The following SFMBT2 variants were observed in gnomAD, a reference collection of about 807,000 sequenced individuals.
SFMBT2 encodes the protein Scm like with four mbt domains 2, also known as scm-like with four MBT domains protein 2.
A neutral mutation model predicts 110.1 loss-of-function variants in SFMBT2; 38 were observed. That is an observed-to-expected ratio of 0.35 (90% CI 0.27 to 0.45). The LOEUF is 0.45. SFMBT2 is among the 20% of genes least tolerant of loss of function. The pLI, the probability that SFMBT2 is intolerant of heterozygous loss-of-function variation, is 1.00. For missense variants in SFMBT2, 1,011 were observed against 1,094.9 expected (o/e 0.92, Z 1.08); for synonymous variants, 425 against 425.4 (o/e 1.00, Z 0.01).
intron 4 of SFMBT2, among the ~76,000 whole-genome samples, chr10:7,333,815 T>C (rs1188946761): frequency 6.6e-6 from 1 of 151,182 alleles, no homozygotes; most frequent in African/African-American, 2.4e-5. Context: ...TCCCGCTTTC[T>C]TTCCTTCCTC....
intron 10 of SFMBT2, among the ~76,000 whole-genome samples, chr10:7,221,070 C>A (rs545773858): frequency 6.6e-6 from 1 of 151,566 alleles, no homozygotes; most frequent in East Asian, 2.0e-4. Flanking sequence ...TTGTGATCCA[C>A]CTGCCTCAGC....
chr10:7,228,870 A>G (rs1840028196), intron 9 of SFMBT2, among the ~76,000 whole-genome samples: 1 of 151,274 alleles, frequency 6.6e-6, no homozygotes, highest in Non-Finnish European at 1.5e-5. Flanking sequence ...TGGCCATGGC[A>G]AGACAGGAGA....
intron 8 of SFMBT2, among the ~76,000 whole-genome samples, 158 bp from the exon 9 acceptor site, chr10:7,243,863 T>A (rs1840520095): frequency 6.6e-6 from 1 of 152,210 alleles, no homozygotes; most frequent in African/African-American, 2.4e-5. Context: ...CTAAATTAAT[T>A]CAGCTGATAA....
At chr10:7,405,827 C>T (rs1198646758) in intron 1 of SFMBT2, among the ~76,000 whole-genome samples, 1 of 122,560 alleles carries the variant, frequency 8.2e-6, no homozygotes, top group South Asian at 3.4e-4. Context: ...CCGATTCCCC[C>T]CCCGACCCCC....
At chr10:7,245,126 C>T (rs1840565159) in intron 8 of SFMBT2, among the ~76,000 whole-genome samples, 1 of 152,120 alleles carries the variant, frequency 6.6e-6, no homozygotes, top group Non-Finnish European at 1.5e-5. Context: ...CTCACTGCTA[C>T]CGGGGGGCAC....
chr10:7,351,453 G>A (rs1207423057), intron 4 of SFMBT2, among the ~76,000 whole-genome samples: 46 of 152,166 alleles, frequency 3.0e-4, no homozygotes, highest in Admixed American at 3.0e-3. Context: ...CTGTAAGGCA[G>A]GTCTCATTAT....
Position 7,367,816 on chromosome 10 carries a change from G to T in SFMBT2, c.269C>A (p.Thr90Lys). ...GGTAATGATCGTGGCCACCCAGTAC[G>T]TGTCCGGGTTGTTCTTATTAGCCAC... ...LEVANKNNPD[T>K]YWVATIITTC... Residue 90 changes from threonine to lysine, a missense_variant, in exon 4 of 21, where the codon ACG (threonine) becomes AAG (lysine). Coordinates refer to ENST00000397167, the MANE Select transcript of SFMBT2 (RefSeq NM_001387889.1). The surrounding 1 kb of genome is among the most constrained non-coding windows in gnomAD (Gnocchi z 6.2). 6.2e-7 allele frequency: 1 copy of T among 1,614,196 alleles called. No individual in the cohort carries two copies. Among genetic ancestry groups the T allele is most frequent in the Non-Finnish European group, 8.5e-7 (1 of 1,180,038 alleles).
intron 11 of SFMBT2, among the ~76,000 whole-genome samples, chr10:7,212,227 T>C (rs558098039): frequency 4.6e-5 from 7 of 152,352 alleles, no homozygotes; most frequent in Non-Finnish European, 1.5e-5. Context: ...TTCTGAATTT[T>C]AGCTTCCAGT....
chr10:7,314,961 A>G (rs948451141), intron 4 of SFMBT2, among the ~76,000 whole-genome samples: 1 of 145,338 alleles, frequency 6.9e-6, no homozygotes, highest in African/African-American at 2.7e-5. Context: ...GAGAAAGAAA[A>G]GAGAGAGAGA....
At chr10:7,401,601 C>T (rs1033131835) in intron 1 of SFMBT2, among the ~76,000 whole-genome samples, 1 of 152,170 alleles carries the variant, frequency 6.6e-6, no homozygotes, top group Non-Finnish European at 1.5e-5. Flanking sequence ...GATGTCCTCA[C>T]GCCTATTCAT....
chr10:7,406,867 A>G (rs1379918034), intron 1 of SFMBT2, among the ~76,000 whole-genome samples: 2 of 152,012 alleles, frequency 1.3e-5, no homozygotes, highest in African/African-American at 4.8e-5. Context: ...AGAGTGGATG[A>G]CCACTCTCTA....
intron 7 of SFMBT2, among the ~76,000 whole-genome samples, chr10:7,269,707 AGTGTGTGCGT>A (rs1340016623): frequency 3.2e-4 from 47 of 146,438 alleles, no homozygotes; most frequent in East Asian, 1.2e-3. Flanking sequence ...AAAGCAAGTA[AGTGTGTGCGT>A]GTGTGTGTGT....
At chr10:7,374,796 G>A (rs1413241226) in intron 2 of SFMBT2, among the ~76,000 whole-genome samples, 2 of 152,188 alleles carry the variant, frequency 1.3e-5, no homozygotes, top group Non-Finnish European at 2.9e-5. Context: ...TTATAACAAA[G>A]TCAAGCACAA....
chr10:7,200,395 C>G lies in SFMBT2; in HGVS notation c.1558+19G>C. Reference sequence around the variant, plus strand: ...GCACGGTGGGAAGGCACAGAGACCCCCTAAATGGGACTGATTACCTGTGGT... The same window carrying G: ...GCACGGTGGGAAGGCACAGAGACCCGCTAAATGGGACTGATTACCTGTGGT... On this transcript the variant is annotated intron_variant, in intron 14 of 20. Coordinates refer to ENST00000397167, the MANE Select transcript of SFMBT2 (RefSeq NM_001387889.1). 2 of 1,570,494 alleles carry G rather than the reference C, an allele frequency of 1.3e-6. No individual in the cohort carries two copies. The highest frequency in any genetic ancestry group is 2.4e-5 in the South Asian group (2 of 84,410).
At chr10:7,329,310 C>G (rs1480439297) in intron 4 of SFMBT2, among the ~76,000 whole-genome samples, 1 of 152,182 alleles carries the variant, frequency 6.6e-6, no homozygotes, top group Admixed American at 6.5e-5. Context: ...GAAGGAAGAG[C>G]CTCTGTTCTG....
intron 6 of SFMBT2, among the ~76,000 whole-genome samples, chr10:7,278,601 G>A (rs1441012103): frequency 1.3e-5 from 2 of 152,176 alleles, no homozygotes; most frequent in Non-Finnish European, 2.9e-5. Flanking sequence ...TTCAACCTGG[G>A]CATGGTAGGA....
Position 7,172,596 on chromosome 10 carries a change from C to T in SFMBT2, c.2050G>A (p.Gly684Arg), listed in dbSNP as rs367660345. Reference sequence around the variant, plus strand: ...CTCCGCCTGGCGGGTTTGGGGTGTCCGCTGTCGGGGTTGCTTTCCCCGATG... The same window carrying T: ...CTCCGCCTGGCGGGTTTGGGGTGTCTGCTGTCGGGGTTGCTTTCCCCGATG... ...PPIGESNPDS[G>R]HPKPARRRKR... The change falls in exon 18 of 21, where the codon GGA (glycine) becomes AGA (arginine). Residue 684 changes from glycine (G) to arginine (R), a missense_variant. Physicochemically the swap from Gly to Arg is moderately radical, Grantham distance 125. Coordinates refer to ENST00000397167, the MANE Select transcript of SFMBT2 (RefSeq NM_001387889.1). The surrounding 1 kb of genome is among the most constrained non-coding windows in gnomAD (Gnocchi z 4.6). 27 of 1,614,100 alleles carry T rather than the reference C, an allele frequency of 1.7e-5. No individual in the cohort carries two copies. Among genetic ancestry groups the T allele is most frequent in the African/African-American group, 2.7e-5 (2 of 74,950 alleles).
intron 7 of SFMBT2, among the ~76,000 whole-genome samples, chr10:7,272,525 A>G (rs1007840289): frequency 1.2e-4 from 19 of 152,036 alleles, no homozygotes; most frequent in African/African-American, 4.6e-4. Context: ...AAGCAGAGGC[A>G]GTTAGACGCC....
chr10:7,176,239 C>A, intron 16 of SFMBT2, 74 bp from the exon 17 acceptor site: 1 of 1,437,984 alleles, frequency 7.0e-7, no homozygotes, highest in South Asian at 1.2e-5. Flanking sequence ...ACCACACATT[C>A]CGAAGGCAGC....
Sources: gnomAD v4.1 joint callset for allele counts (sites outside exome capture counted in the v4.1 genomes callset) on GRCh38, gnomAD v4.1.1 for gene constraint, Gnocchi (gnomAD v3.1) non-coding constraint, MANE v1.5 for transcripts, NCBI Gene and HGNC (gene_info 2026-07-23, HGNC 2026-07-21) for gene names.